The following AMT variants were observed in gnomAD, a reference collection of about 807,000 sequenced individuals.
AMT encodes aminomethyltransferase, mitochondrial.
Under a neutral mutation model 39.5 loss-of-function variants are expected in AMT, and 24 were observed. The ratio of observed to expected loss-of-function variants is 0.61; its 90% CI spans 0.44 to 0.86. AMT has a LOEUF of 0.86. Among genes scored for constraint, AMT ranks in the 40% least tolerant of loss-of-function variants. The probability of loss-of-function intolerance (pLI) is 0.00; values close to 1 mark genes in which losing one functional copy is unlikely to be tolerated. For missense variants in AMT, 501 were observed against 537.0 expected, an observed-to-expected ratio of 0.93 and a Z score of 0.66; for synonymous variants, 210 against 212.1, an observed-to-expected ratio of 0.99 and a Z score of 0.09.
Position 49,420,515 on chromosome 3 carries a change from T to C in AMT, c.340-173A>G, listed in dbSNP as rs943647306. The C allele has an allele frequency of 6.5e-6, 6 of 924,122 alleles. No homozygotes were observed. The South Asian group carries it at 8.7e-5, about 13-fold the overall frequency. 57.2% of individuals were successfully genotyped at this position (924,122 alleles called of 1,614,324 possible). A position where few individuals can be genotyped will look rare whatever the true frequency, so the allele number is the denominator to read the frequency against. ...CCAAGTCCAAGGTCTTTGATCCTCATGCATCAAGTAAGTTTTCATCCCCTC... is the reference window on the plus strand; with the variant it reads ...CCAAGTCCAAGGTCTTTGATCCTCACGCATCAAGTAAGTTTTCATCCCCTC... On this transcript the variant is annotated intron_variant, in intron 3 of 8. Coordinates refer to ENST00000273588, the MANE Select transcript of AMT (RefSeq NM_000481.4).
At position 49,417,978 on chromosome 3, in the gene AMT, A is replaced by C. The variant is rs945551152; in HGVS notation, c.878-5T>G. 6 of 1,605,216 alleles carry C rather than the reference A, an allele frequency of 3.7e-6. No individual in the cohort carries two copies. The Admixed American group carries it at 5.1e-5, about 14-fold the overall frequency. On this transcript the variant is annotated splice_region_variant and splice_polypyrimidine_tract_variant and intron_variant, in intron 7 of 8. Transcript: ENST00000273588. Reference sequence around the variant, plus strand: ...TAGCAGCTCGGCGGCGCTTCCCTGGAGAATGACACATGAGACATAAGCCAC... The same window carrying C: ...TAGCAGCTCGGCGGCGCTTCCCTGGCGAATGACACATGAGACATAAGCCAC...
chr3:49,420,842 T>G, intron 3 of AMT: 1 of 212,852 alleles, frequency 4.7e-6, no homozygotes, highest in East Asian at 1.1e-4. Flanking sequence ...GGGATCTTGT[T>G]AAAATGAAGG....
intron 3 of AMT, 41 bp from the exon 4 acceptor site, chr3:49,420,383 G>A (rs1336974740): frequency 2.5e-6 from 4 of 1,613,506 alleles, no homozygotes; most frequent in Non-Finnish European, 3.4e-6. Flanking sequence ...AGGTCCAGGA[G>A]GGCAAGGCCA....
In AMT at chr3:49,422,134, G is replaced by C. The variant is rs1575309000; in HGVS notation, c.228C>G (p.Cys76Trp). 6.2e-7 allele frequency: 1 copy of C among 1,613,822 alleles called. No individual in the cohort carries two copies. Among genetic ancestry groups the C allele is most frequent in the African/African-American group, 1.3e-5 (1 of 75,066 alleles). Residue 76 changes from cysteine to tryptophan, a missense_variant, in exon 2 of 9, where the codon TGC becomes TGG. By Grantham distance (215) the Cys-to-Trp change is radical. Transcript: ENST00000273588. ...TDSHLHTRQH[C>W]SLFDVSHMLQ... Reference sequence around the variant, plus strand: ...GCATATGAGACACGTCAAAGAGCGAGCAGTGCTGGCGTGTGTGCAGGTGCG... The same window carrying C: ...GCATATGAGACACGTCAAAGAGCGACCAGTGCTGGCGTGTGTGCAGGTGCG...
At chr3:49,421,323 C>G in intron 3 of AMT, 169 bp downstream of exon 3, 1 of 672,108 alleles carries the variant, frequency 1.5e-6, no homozygotes, top group South Asian at 1.6e-5. Context: ...ATTCCCCTCC[C>G]TACAAATGTC....
In AMT at chr3:49,418,835, C is replaced by T. The variant is rs966997259; in HGVS notation, c.877+136G>A. The T allele has an allele frequency of 4.2e-6, 4 of 944,048 alleles. No homozygotes were observed. The African/African-American group carries it at 6.5e-5, about 15-fold the overall frequency. The allele number at this position is 944,048 out of a possible 1,614,324, so 58.5% of individuals were successfully genotyped here. On this transcript the variant is annotated intron_variant, in intron 7 of 8. Transcript: ENST00000273588. ...CTGCAGTTTCTAATGGGCAAAGGCA[C>T]AGTGGCACCTTCAGGGAAGGGAGGC...
chr3:49,420,534 TC>T (rs1559529504), intron 3 of AMT, 192 bp from the exon 4 acceptor site: 3 of 749,422 alleles, frequency 4.0e-6, no homozygotes. Flanking sequence ...TAAGTTTTCA[TC>T]CCCTCCCTAC....
Position 49,420,284 on chromosome 3 carries a change from G to T in AMT, c.398C>A (p.Thr133Asn). 6.2e-7 allele frequency: 1 copy of T among 1,614,208 alleles called. No homozygotes were observed. Among genetic ancestry groups the T allele is most frequent in the Non-Finnish European group, 8.5e-7 (1 of 1,180,036 alleles). Residue 133 changes from threonine (T) to asparagine (N), a missense_variant, in exon 4 of 9, where the codon ACC becomes AAC. Coordinates refer to ENST00000273588, the MANE Select transcript of AMT (RefSeq NM_000481.4). ...AGGILDDLIV[T>N]NTSEGHLYVV... is the part of the protein sequence containing the mutation. The stretch of plus-strand genomic sequence containing the variant: ...ATACAGGTGGCCCTCAGAAGTATTG[G>T]TTACAATCAAGTCATCTAAGATGCC...
Position 49,419,303 on chromosome 3 carries a change from C to T in AMT, c.653G>A (p.Cys218Tyr). Residue 218 changes from cysteine to tyrosine, a missense_variant, in exon 6 of 9, where the codon TGC becomes TAC. Cys to Tyr is a radical substitution (Grantham distance 194, BLOSUM62 -2). Coordinates refer to ENST00000273588, the MANE Select transcript of AMT (RefSeq NM_000481.4). Reference sequence around the variant, plus strand: ...TGTGTAGCCACAGCGGGTCACGCGGCAGCCAGACACGCCAAACACCTCCAT... The same window carrying T: ...TGTGTAGCCACAGCGGGTCACGCGGTAGCCAGACACGCCAAACACCTCCAT... ...AVMEVFGVSG[C>Y]RVTRCGYTGE... is the part of the protein sequence containing the mutation. 6.2e-7 allele frequency: 1 copy of T among 1,614,196 alleles called. No homozygotes were observed. The highest frequency in any genetic ancestry group is 8.5e-7 in the Non-Finnish European group (1 of 1,180,038).
Position 49,416,791 on chromosome 3 carries a change from G to T in AMT, c.*749C>A, listed in dbSNP as rs913991268. 2 of 450,636 alleles carry T rather than the reference G, an allele frequency of 4.4e-6. No homozygotes were observed. The highest frequency in any genetic ancestry group is 4.0e-5 in the African/African-American group (2 of 49,906). 27.9% of individuals were successfully genotyped at this position (450,636 alleles called of 1,614,324 possible). A position where few individuals can be genotyped will look rare whatever the true frequency, so the allele number is the denominator to read the frequency against. ...GAAGCTAGAGACTGGCAAGTAAGAA[G>T]GAAGTTTAATTTTTTTTTCAGGATT... On this transcript the variant is annotated 3_prime_UTR_variant, in exon 9 of 9. Coordinates refer to ENST00000273588, the MANE Select transcript of AMT (RefSeq NM_000481.4).
chr3:49,420,318 C>T lies in AMT; in HGVS notation c.364G>A (p.Glu122Lys), dbSNP rs374757610. 28 of 1,614,052 alleles carry T rather than the reference C, an allele frequency of 1.7e-5. No homozygotes were observed. The highest frequency in any genetic ancestry group is 1.6e-4 in the Middle Eastern group (1 of 6,080). The change falls in exon 4 of 9, where the codon GAG becomes AAG. Residue 122 changes from glutamate (E) to lysine (K), a missense_variant. Physicochemically the swap from Glu to Lys is moderately conservative, Grantham distance 56. Coordinates refer to ENST00000273588, the MANE Select transcript of AMT (RefSeq NM_000481.4). ...AAGTCATCTAAGATGCCTCCAGCCT[C>T]GTTGGTAAACAGCGACAGTGTCCCC... ...NQGTLSLFTNEAGGILDDLIV... is the reference protein window; with the variant it reads ...NQGTLSLFTNKAGGILDDLIV...
rs1478600722 is a variant in AMT, at chr3:49,417,888, C to T, written c.963G>A (p.Val321=). Residue 321 remains valine, a synonymous_variant, in exon 8 of 9, where the codon GTG becomes GTA. Transcript: ENST00000273588. ...QLKGRVQRRR[V]GLMCEGAPMR... ...TGGGGGCCCCCTCACACATCAACCCCACACGCCTCCGCTGCACCCTGCCCT... is the reference window on the plus strand; with the variant it reads ...TGGGGGCCCCCTCACACATCAACCCTACACGCCTCCGCTGCACCCTGCCCT... 6 of 1,614,066 alleles carry T rather than the reference C, an allele frequency of 3.7e-6. No homozygotes were observed. Among genetic ancestry groups the T allele is most frequent in the Non-Finnish European group, 5.1e-6 (6 of 1,180,018 alleles).
rs772896226 is a variant in AMT, at chr3:49,417,732, A to G, written c.1034-14T>C. The G allele has an allele frequency of 1.4e-5, 23 of 1,613,860 alleles. 1 individual carries two copies. In the South Asian group the frequency reaches 2.1e-4, roughly 15 times the overall value. On this transcript the variant is annotated splice_polypyrimidine_tract_variant and intron_variant, in intron 8 of 8. Coordinates refer to ENST00000273588, the MANE Select transcript of AMT (RefSeq NM_000481.4). ...TAGTCACAGTACCTGTCAAGCAAGC[A>G]TAAGCCACGCATCAGCACCACCCTG...
Position 49,417,457 on chromosome 3 carries a change from C to G in AMT, c.*83G>C. On this transcript the variant is annotated 3_prime_UTR_variant, in exon 9 of 9. Transcript: ENST00000273588. ...CAGCCTCCACCTTAACTGCCCACCC[C>G]CAGTGAGTTCTGCCTCAGCTTCTTG... The G allele has an allele frequency of 6.2e-7, 1 of 1,613,816 alleles. No homozygotes were observed. Among genetic ancestry groups the G allele is most frequent in the Non-Finnish European group, 8.5e-7 (1 of 1,179,938 alleles).
At chr3:49,420,189 C>A in intron 4 of AMT, 22 bp downstream of exon 4, 1 of 1,614,086 alleles carries the variant, frequency 6.2e-7, no homozygotes, top group South Asian at 1.1e-5. Flanking sequence ...GACAAGGTGT[C>A]TAGAACACAG....
chr3:49,419,614 C>G (rs2049064520), intron 5 of AMT, 96 bp downstream of exon 5: 3 of 1,457,342 alleles, frequency 2.1e-6, no homozygotes, highest in Non-Finnish European at 2.9e-6. Flanking sequence ...AAATATCACA[C>G]CTTCCACACA....
intron 2 of AMT, 169 bp from the exon 3 acceptor site, chr3:49,421,741 C>T: frequency 1.4e-6 from 1 of 710,224 alleles, no homozygotes; most frequent in Non-Finnish European, 2.5e-6. Flanking sequence ...GATTTCCTGA[C>T]CTCCCCCAGT....
At position 49,417,133 on chromosome 3, in the gene AMT, A is replaced by C; in HGVS notation, c.*407T>G. 1.2e-6 allele frequency: 1 copy of C among 853,058 alleles called. No individual in the cohort carries two copies. The highest frequency in any genetic ancestry group is 1.9e-6 in the Non-Finnish European group (1 of 525,290). The allele number at this position is 853,058 out of a possible 1,614,324, so 52.8% of individuals were successfully genotyped here. On this transcript the variant is annotated 3_prime_UTR_variant, in exon 9 of 9. Coordinates refer to ENST00000273588, the MANE Select transcript of AMT (RefSeq NM_000481.4). ...GGGGTAGCCTAAGTCCGCACTGCCC[A>C]TGTTATTACCCTTTGCAATGTGAAA...
In AMT at chr3:49,419,154, G is replaced by C; in HGVS notation, c.697-3C>G. 1.2e-6 allele frequency: 2 copies of C among 1,613,724 alleles called. No individual in the cohort carries two copies. Among genetic ancestry groups the C allele is most frequent in the Non-Finnish European group, 1.7e-6 (2 of 1,179,896 alleles). On this transcript the variant is annotated splice_polypyrimidine_tract_variant and splice_region_variant and intron_variant, in intron 6 of 8. Transcript: ENST00000273588. ...GCCCCCGCTACCGGCACCGAGATCTGTATGAAACACCAGAGGGCAGATGGG... is the reference window on the plus strand; with the variant it reads ...GCCCCCGCTACCGGCACCGAGATCTCTATGAAACACCAGAGGGCAGATGGG...
Sources: gnomAD v4.1 joint callset for allele counts on GRCh38, gnomAD v4.1.1 for gene constraint, MANE v1.5 for transcripts, NCBI Gene and HGNC (gene_info 2026-07-23, HGNC 2026-07-21) for gene names.